LVRN: variants seen among roughly 807,000 people sequenced by gnomAD.
LVRN encodes the protein aminopeptidase Q.
In LVRN, 99 loss-of-function variants were observed where a neutral mutation model predicts 111.4. The ratio of observed to expected loss-of-function variants is 0.89; its 90% CI spans 0.76 to 1.05. The LOEUF is 1.05. LVRN is among the 50% of genes least tolerant of loss of function. The pLI, the probability that LVRN is intolerant of heterozygous loss-of-function variation, is 0.00. For missense variants in LVRN, 1,414 were observed against 1,206.8 expected (o/e 1.17, Z -2.54); for synonymous variants, 488 against 449.5 (o/e 1.09, Z -1.08).
intron 1 of LVRN, among the ~76,000 whole-genome samples, chr5:115,972,780 T>C (rs1370594763): frequency 6.6e-6 from 1 of 152,164 alleles, no homozygotes; most frequent in Non-Finnish European, 1.5e-5. Flanking sequence ...TTTCCTTTTA[T>C]TTATAATTTT....
intron 1 of LVRN, among the ~76,000 whole-genome samples, chr5:115,979,541 T>C (rs1407331550): frequency 6.6e-6 from 1 of 152,172 alleles, no homozygotes; most frequent in Non-Finnish European, 1.5e-5. Flanking sequence ...CCAACAGGCA[T>C]ACCCAGGTTC....
At chr5:115,963,962 A>G (rs931477028) in intron 1 of LVRN, among the ~76,000 whole-genome samples, 3 of 152,068 alleles carry the variant, frequency 2.0e-5, no homozygotes, top group Non-Finnish European at 4.4e-5. Flanking sequence ...TTGCCCCTCA[A>G]AGGTTGGTCC....
At chr5:116,003,737 A>G (rs1441808008) in intron 12 of LVRN, among the ~76,000 whole-genome samples, 2 of 151,810 alleles carry the variant, frequency 1.3e-5, no homozygotes, top group African/African-American at 4.8e-5. Context: ...GCCTGCCACC[A>G]CGCCCGGCTA....
In LVRN at chr5:116,026,143, T is replaced by C. The variant is rs1041496164; in HGVS notation, c.*25T>C. The C allele has an allele frequency of 1.2e-5, 20 of 1,612,956 alleles. No homozygotes were observed. The highest frequency in any genetic ancestry group is 1.6e-5 in the Non-Finnish European group (19 of 1,179,510). ...GCTTGTGGCTATCTTTCAGCACTCC[T>C]CTTGCATATTATAATGTAGTTTGTT... On this transcript the variant is annotated 3_prime_UTR_variant, in exon 20 of 20. Coordinates refer to ENST00000357872, the MANE Select transcript of LVRN (RefSeq NM_173800.5).
chr5:116,010,575 T>C (rs760536793), intron 13 of LVRN, 166 bp from the exon 14 acceptor site: 5 of 739,854 alleles, frequency 6.8e-6, no homozygotes, highest in African/African-American at 1.7e-5. Flanking sequence ...TCAACTTTGC[T>C]TGGGTTTCAT....
chr5:115,988,473 C>A (rs1444582368), intron 4 of LVRN, among the ~76,000 whole-genome samples: 1 of 151,990 alleles, frequency 6.6e-6, no homozygotes, highest in African/African-American at 2.4e-5. Flanking sequence ...AATATTTAAC[C>A]TTTCATAGAT....
At chr5:115,992,023 G>T (rs1306192844) in intron 4 of LVRN, 100 bp from the exon 5 acceptor site, 11 of 1,164,070 alleles carry the variant, frequency 9.4e-6, no homozygotes, top group South Asian at 1.6e-5. Context: ...ATATTCCCTT[G>T]AATTTTTTGG....
intron 6 of LVRN, 21 bp from the exon 7 acceptor site, chr5:115,999,741 C>A: frequency 6.2e-7 from 1 of 1,611,482 alleles, no homozygotes; most frequent in Middle Eastern, 1.7e-4. Flanking sequence ...AGTTAATGTG[C>A]CTCCATCTTT....
At chr5:115,978,404 G>C (rs929209642) in intron 1 of LVRN, among the ~76,000 whole-genome samples, 8 of 152,206 alleles carry the variant, frequency 5.3e-5, no homozygotes, top group African/African-American at 1.7e-4. Flanking sequence ...ATAGCTTACA[G>C]ATTAGTAAAA....
At chr5:115,990,564 T>C (rs34771289) in intron 4 of LVRN, among the ~76,000 whole-genome samples, 78,784 of 151,908 alleles carry the variant, frequency 0.52, 20,922 homozygotes, top group South Asian at 0.71. Context: ...TGAACTAAAG[T>C]ATTTATTTTT....
chr5:116,020,718 C>G (rs1470724966), intron 18 of LVRN, among the ~76,000 whole-genome samples: 1 of 152,174 alleles, frequency 6.6e-6, no homozygotes, highest in African/African-American at 2.4e-5. Context: ...GGCTGGATGC[C>G]TTGGTGTTCC....
intron 1 of LVRN, among the ~76,000 whole-genome samples, chr5:115,965,176 C>T (rs1413645424): frequency 6.6e-6 from 1 of 152,178 alleles, no homozygotes; most frequent in Non-Finnish European, 1.5e-5. Flanking sequence ...TAACTGCTAT[C>T]CTTAGGTTGG....
intron 12 of LVRN, among the ~76,000 whole-genome samples, chr5:116,005,213 C>T (rs1291381119): frequency 6.6e-6 from 1 of 152,084 alleles, no homozygotes; most frequent in Non-Finnish European, 1.5e-5. Flanking sequence ...TTGCTCGGAC[C>T]CTTAAAGAAA....
Position 116,027,469 on chromosome 5 carries a change from G to A in LVRN, c.*1351G>A, listed in dbSNP as rs1339400938. The A allele has an allele frequency of 6.6e-6, 1 of 152,288 alleles. No individual in the cohort carries two copies. The highest frequency in any genetic ancestry group is 1.9e-4 in the East Asian group (1 of 5,172). The allele number at this position is 152,288 out of a possible 1,614,324, so 9.4% of individuals were successfully genotyped here. A position where few individuals can be genotyped will look rare whatever the true frequency, so the allele number is the denominator to read the frequency against. The stretch of plus-strand genomic sequence containing the variant: ...AGAGGATTCTCCCTGAGTGTCAGGG[G>A]AGGCTGTGGGACTTCACCACGTGGA... On this transcript the variant is annotated 3_prime_UTR_variant, in exon 20 of 20. Transcript: ENST00000357872.
intron 5 of LVRN, among the ~76,000 whole-genome samples, chr5:115,993,044 T>G (rs1748028859): frequency 6.6e-6 from 1 of 152,220 alleles, no homozygotes; most frequent in Non-Finnish European, 1.5e-5. Context: ...CGAAGTGTCA[T>G]TTTCTATTAT....
chr5:115,991,437 A>G (rs1023212768), intron 4 of LVRN, among the ~76,000 whole-genome samples: 1 of 152,228 alleles, frequency 6.6e-6, no homozygotes, highest in Non-Finnish European at 1.5e-5. Flanking sequence ...TTGTTTATCT[A>G]TTAGCCTATT....
intron 18 of LVRN, among the ~76,000 whole-genome samples, chr5:116,017,535 C>G (rs575529991): frequency 6.0e-4 from 92 of 152,124 alleles, no homozygotes; most frequent in African/African-American, 2.2e-3. Context: ...TGTCCTTTGT[C>G]CTTTTATTTA....
At chr5:115,971,515 AAG>A (rs1444125775) in intron 1 of LVRN, among the ~76,000 whole-genome samples, 2 of 152,154 alleles carry the variant, frequency 1.3e-5, no homozygotes, top group Non-Finnish European at 2.9e-5. Flanking sequence ...GTATGGATTA[AAG>A]AGTTTTTTTG....
chr5:115,996,693 G>C (rs1461624258), intron 6 of LVRN, among the ~76,000 whole-genome samples: 1 of 152,150 alleles, frequency 6.6e-6, no homozygotes, highest in African/African-American at 2.4e-5. Flanking sequence ...AAGGCTTTCT[G>C]GAACTCTGAA....
Sources: gnomAD v4.1 joint callset for allele counts (sites outside exome capture counted in the v4.1 genomes callset) on GRCh38, gnomAD v4.1.1 for gene constraint, MANE v1.5 for transcripts, NCBI Gene and HGNC (gene_info 2026-07-23, HGNC 2026-07-21) for gene names.